The following CASTOR1 variants were observed in gnomAD, a reference collection of about 807,000 sequenced individuals.
CASTOR1 encodes the protein GATS protein like 3.
A neutral mutation model predicts 33.7 loss-of-function variants in CASTOR1; 18 were observed. The observed-to-expected ratio is 0.53, with a 90% confidence interval of 0.37 to 0.79. The LOEUF (loss-of-function observed/expected upper bound fraction) is 0.79. CASTOR1 is among the 30% of genes least tolerant of loss of function. CASTOR1 has a pLI of 0.00. For synonymous variants in CASTOR1, 175 were observed against 190.6 expected (o/e 0.92, Z 0.67); for missense variants, 362 against 446.3 (o/e 0.81, Z 1.70).
In CASTOR1 at chr22:30,288,868, AC is replaced by A. The variant is rs1929856871; in HGVS notation, c.114-93del. On this transcript the variant is annotated intron_variant, in intron 1 of 8. Transcript: ENST00000407689. ...CCATCTGCCCCGAGACACCCCCGCG[AC>A]CCTGGGCCGGGCGCCTTCTTGCCCT... 14 of 1,073,606 alleles carry A rather than the reference AC, an allele frequency of 1.3e-5. No individual in the cohort carries two copies. The South Asian group carries it at 2.2e-4, about 17-fold the overall frequency. 66.5% of individuals were successfully genotyped at this position (1,073,606 alleles called of 1,614,324 possible). A position where few individuals can be genotyped will look rare whatever the true frequency, so the allele number is the denominator to read the frequency against.
rs900285403 is a variant in CASTOR1, at chr22:30,285,456, C to T, written c.*164G>A. 4.5e-5 allele frequency: 27 copies of T among 595,550 alleles called. No individual in the cohort carries two copies. The highest frequency in any genetic ancestry group is 8.7e-4 in the Middle Eastern group (2 of 2,300). 36.9% of individuals were successfully genotyped at this position (595,550 alleles called of 1,614,324 possible). ...CCACCTGTGAGTGTACACAGGTGTCCGCGTAAAAGCCGGTGCCTGCACGCA... is the reference window on the plus strand; with the variant it reads ...CCACCTGTGAGTGTACACAGGTGTCTGCGTAAAAGCCGGTGCCTGCACGCA... On this transcript the variant is annotated 3_prime_UTR_variant, in exon 9 of 9. Coordinates refer to ENST00000407689, the MANE Select transcript of CASTOR1 (RefSeq NM_001037666.3).
rs1347187798 is a variant in CASTOR1 at position 30,285,595 on chromosome 22, G to A, written c.*25C>T. 2.0e-6 allele frequency: 3 copies of A among 1,513,708 alleles called. No individual in the cohort carries two copies. The highest frequency in any genetic ancestry group is 2.7e-6 in the Non-Finnish European group (3 of 1,114,490). 93.8% of individuals were successfully genotyped at this position (1,513,708 alleles called of 1,614,324 possible). A position where few individuals can be genotyped will look rare whatever the true frequency, so the allele number is the denominator to read the frequency against. On this transcript the variant is annotated 3_prime_UTR_variant, in exon 9 of 9. Transcript: ENST00000407689. ...AAGCCTGGGTCGAGGGGAGAGCAGG[G>A]AGGCTGCTCTGTTGCCCATGGGCCT...
chr22:30,286,795 T>A (rs1929783657), intron 5 of CASTOR1, 30 bp downstream of exon 5: 1 of 1,613,312 alleles, frequency 6.2e-7, no homozygotes, highest in Non-Finnish European at 8.5e-7. Flanking sequence ...AACAGTGCTG[T>A]GAGGACAAAG....
intron 4 of CASTOR1, 85 bp from the exon 5 acceptor site, chr22:30,287,033 G>T: frequency 6.4e-7 from 1 of 1,556,920 alleles, no homozygotes; most frequent in Non-Finnish European, 8.7e-7. Context: ...GTGGGCCAGG[G>T]GCAGGTCTTG....
At chr22:30,289,362 C>T in intron 1 of CASTOR1, 23 bp downstream of exon 1, 1 of 1,536,158 alleles carries the variant, frequency 6.5e-7, no homozygotes, top group Non-Finnish European at 8.9e-7. Flanking sequence ...CCCCTATCTG[C>T]GCTCCCGAAC....
intron 2 of CASTOR1, 81 bp downstream of exon 2, chr22:30,288,625 T>C: frequency 1.6e-6 from 2 of 1,238,940 alleles, no homozygotes; most frequent in South Asian, 2.5e-5. Context: ...TTGGGACGGA[T>C]CCCAGCAACT....
At position 30,285,917 on chromosome 22, in the gene CASTOR1, C is replaced by G. The variant is rs765176150; in HGVS notation, c.836G>C (p.Gly279Ala). The G allele has an allele frequency of 6.2e-7, 1 of 1,604,506 alleles. No individual in the cohort carries two copies. The highest frequency in any genetic ancestry group is 1.1e-5 in the South Asian group (1 of 89,378). ...GGGACCTGCAATCTGTGCCACGATG[C>G]CACATTCATCTGAGGGTGGTGGAGG... ...GGQPLGFDEC[G>A]IVAQIAGPLA... Residue 279 changes from glycine (G) to alanine (A), a missense_variant, in exon 8 of 9, where the codon GGC becomes GCC. Physicochemically the swap from Gly to Ala is moderately conservative, Grantham distance 60. Coordinates refer to ENST00000407689, the MANE Select transcript of CASTOR1 (RefSeq NM_001037666.3).
At chr22:30,286,461 A>G in intron 5 of CASTOR1, 85 bp from the exon 6 acceptor site, 1 of 946,880 alleles carries the variant, frequency 1.1e-6, no homozygotes, top group Non-Finnish European at 1.7e-6. Flanking sequence ...AACCCTGGGA[A>G]GGAGCTGGTA....
At position 30,286,930 on chromosome 22, in the gene CASTOR1, T is replaced by G; in HGVS notation, c.524A>C (p.His175Pro). Reference sequence around the variant, plus strand: ...GCGGTTCTGTGGGCTCTGGATGGGATGCACCGTGGGGCTGGGCCCTGCTGG... The same window carrying G: ...GCGGTTCTGTGGGCTCTGGATGGGAGGCACCGTGGGGCTGGGCCCTGCTGG... ...RTQHGPSPTV[H>P]PIQSPQNRFC... Residue 175 changes from histidine to proline, a missense_variant, in exon 5 of 9, where the codon CAT (histidine) becomes CCT (proline). Transcript: ENST00000407689. 1 of 1,613,596 alleles carries G rather than the reference T, an allele frequency of 6.2e-7. No homozygotes were observed. Among genetic ancestry groups the G allele is most frequent in the Non-Finnish European group, 8.5e-7 (1 of 1,179,628 alleles).
intron 1 of CASTOR1, 112 bp downstream of exon 1, chr22:30,289,273 G>T: frequency 2.4e-6 from 2 of 831,666 alleles, no homozygotes; most frequent in Non-Finnish European, 3.9e-6. Context: ...CTCCCCACCC[G>T]CTCCCGCCCG....
At position 30,285,451 on chromosome 22, in the gene CASTOR1, G is replaced by A. The variant is rs1038757462; in HGVS notation, c.*169C>T. On this transcript the variant is annotated 3_prime_UTR_variant, in exon 9 of 9. Coordinates refer to ENST00000407689, the MANE Select transcript of CASTOR1 (RefSeq NM_001037666.3). Reference sequence around the variant, plus strand: ...CCACTCCACCTGTGAGTGTACACAGGTGTCCGCGTAAAAGCCGGTGCCTGC... The same window carrying A: ...CCACTCCACCTGTGAGTGTACACAGATGTCCGCGTAAAAGCCGGTGCCTGC... The A allele has an allele frequency of 1.7e-6, 1 of 591,884 alleles. No individual in the cohort carries two copies. Among genetic ancestry groups the A allele is most frequent in the African/African-American group, 1.9e-5 (1 of 52,602 alleles). The allele number at this position is 591,884 out of a possible 1,614,324, so 36.7% of individuals were successfully genotyped here. A position where few individuals can be genotyped will look rare whatever the true frequency, so the allele number is the denominator to read the frequency against.
In CASTOR1 at chr22:30,286,079, G is replaced by T. The variant is rs1929756195; in HGVS notation, c.763C>A (p.Leu255Met). Residue 255 changes from leucine (L) to methionine (M), a missense_variant, in exon 7 of 9, where the codon CTG (leucine) becomes ATG (methionine). Coordinates refer to ENST00000407689, the MANE Select transcript of CASTOR1 (RefSeq NM_001037666.3). ...CACAGCTCCCCCGAGGAGCTGGTCA[G>T]CAGGAGGTCACTGGGGAACCTGGGG... ...TQKKFPSDLL[L>M]TSSSGELWRM... The T allele has an allele frequency of 1.3e-6, 2 of 1,578,568 alleles. No homozygotes were observed. Among genetic ancestry groups the T allele is most frequent in the Non-Finnish European group, 1.7e-6 (2 of 1,160,642 alleles).
chr22:30,289,414 G>T lies in CASTOR1; in HGVS notation c.84C>A (p.Ile28=), dbSNP rs777693964. ...PGLWLYTHPL[I]KLLFLPRRSR... ...TGCGGCGGGGCAGGAAGAGCAGCTTGATGAGCGGGTGGGTGTAGAGCCAGA... is the reference window on the plus strand; with the variant it reads ...TGCGGCGGGGCAGGAAGAGCAGCTTTATGAGCGGGTGGGTGTAGAGCCAGA... Residue 28 remains isoleucine (I), a synonymous_variant, in exon 1 of 9, where the codon ATC becomes ATA. Coordinates refer to ENST00000407689, the MANE Select transcript of CASTOR1 (RefSeq NM_001037666.3). The T allele has an allele frequency of 3.6e-5, 58 of 1,598,172 alleles. No homozygotes were observed. The Admixed American group carries it at 9.8e-4, about 27-fold the overall frequency.
chr22:30,287,579 T>C lies in CASTOR1; in HGVS notation c.185-19A>G, dbSNP rs1325027585. On this transcript the variant is annotated intron_variant, in intron 2 of 8. Coordinates refer to ENST00000407689, the MANE Select transcript of CASTOR1 (RefSeq NM_001037666.3). ...GGCAGCTCTGTGGGCAGGGGACATG[T>C]CAGGTCAGGGTCTACAAGGCTGGCC... The C allele has an allele frequency of 6.3e-7, 1 of 1,597,408 alleles. No homozygotes were observed. Among genetic ancestry groups the C allele is most frequent in the Non-Finnish European group, 8.5e-7 (1 of 1,172,384 alleles).
rs1428875855 is a variant in CASTOR1 at position 30,285,288 on chromosome 22, G to C, written c.*332C>G. 1 of 222,358 alleles carries C rather than the reference G, an allele frequency of 4.5e-6. No individual in the cohort carries two copies. Among genetic ancestry groups the C allele is most frequent in the Non-Finnish European group, 8.8e-6 (1 of 113,548 alleles). The allele number at this position is 222,358 out of a possible 1,614,324, so 13.8% of individuals were successfully genotyped here. ...GTCAGCGGGGCAGCTGGCCCAGGAA[G>C]CCTTTGGGGAATGGCTCAGGCCTCA... On this transcript the variant is annotated 3_prime_UTR_variant, in exon 9 of 9. Coordinates refer to ENST00000407689, the MANE Select transcript of CASTOR1 (RefSeq NM_001037666.3).
chr22:30,285,632 G>A lies in CASTOR1; in HGVS notation c.978C>T (p.Gly326=), dbSNP rs1374207342. 5 of 1,565,918 alleles carry A rather than the reference G, an allele frequency of 3.2e-6. No homozygotes were observed. The highest frequency in any genetic ancestry group is 4.3e-6 in the Non-Finnish European group (5 of 1,156,710). Residue 326 remains glycine, a synonymous_variant, in exon 9 of 9, where the codon GGC becomes GGT. Transcript: ENST00000407689. ...VIEVLQRRQE[G]LAS is the part of the protein sequence containing the mutation. ...TTGCCCATGGGCCTCAGGAAGCCAG[G>A]CCTTCCTGCCGCCGCTGGAGGACCT...
In CASTOR1 at chr22:30,289,349, C is replaced by T; in HGVS notation, c.113+36G>A. 3.5e-6 allele frequency: 5 copies of T among 1,418,972 alleles called. No homozygotes were observed. In the South Asian group the frequency reaches 5.9e-5, roughly 17 times the overall value. 87.9% of individuals were successfully genotyped at this position (1,418,972 alleles called of 1,614,324 possible). A position where few individuals can be genotyped will look rare whatever the true frequency, so the allele number is the denominator to read the frequency against. On this transcript the variant is annotated intron_variant, in intron 1 of 8. Coordinates refer to ENST00000407689, the MANE Select transcript of CASTOR1 (RefSeq NM_001037666.3). Reference sequence around the variant, plus strand: ...TGGCCCGGAGCGAGAGCAGAGCCCCCAGCCCCTATCTGCGCTCCCGAACCC... The same window carrying T: ...TGGCCCGGAGCGAGAGCAGAGCCCCTAGCCCCTATCTGCGCTCCCGAACCC...
chr22:30,286,966 C>A lies in CASTOR1; in HGVS notation c.506-18G>T, dbSNP rs1459865187. On this transcript the variant is annotated intron_variant, in intron 4 of 8. Coordinates refer to ENST00000407689, the MANE Select transcript of CASTOR1 (RefSeq NM_001037666.3). Reference sequence around the variant, plus strand: ...GCTGGGCCCTGCTGGAGGACAGCAGCAGGTGAAAAGGTGTCCGTGGGCTGG... The same window carrying A: ...GCTGGGCCCTGCTGGAGGACAGCAGAAGGTGAAAAGGTGTCCGTGGGCTGG... 2.5e-6 allele frequency: 4 copies of A among 1,603,306 alleles called. No homozygotes were observed. The African/African-American group carries it at 4.0e-5, about 16-fold the overall frequency.
At chr22:30,285,975 C>A in intron 7 of CASTOR1, 41 bp downstream of exon 7, 1 of 1,581,274 alleles carries the variant, frequency 6.3e-7, no homozygotes, top group South Asian at 1.2e-5. Flanking sequence ...GGTTGCTCCC[C>A]AGACACTCCC....
Sources: gnomAD v4.1 joint callset for allele counts on GRCh38, gnomAD v4.1.1 for gene constraint, MANE v1.5 for transcripts, NCBI Gene and HGNC (gene_info 2026-07-23, HGNC 2026-07-21) for gene names.